The following MLLT10 variants were observed in gnomAD, a reference collection of about 807,000 sequenced individuals.
MLLT10 encodes MLLT10 histone lysine methyltransferase DOT1L cofactor.
A neutral mutation model predicts 129.1 loss-of-function variants in MLLT10; 30 were observed. That is an observed-to-expected ratio of 0.23 (90% CI 0.17 to 0.32). The LOEUF is 0.32. Among genes scored for constraint, MLLT10 ranks in the 10% least tolerant of loss-of-function variants. The probability of loss-of-function intolerance (pLI) is 1.00; values close to 1 mark genes in which losing one functional copy is unlikely to be tolerated. For missense variants in MLLT10, 1,119 were observed against 1,268.3 expected, an observed-to-expected ratio of 0.88 and a Z score of 1.79; for synonymous variants, 490 against 446.4, an observed-to-expected ratio of 1.10 and a Z score of -1.23.
At chr10:21,681,508 C>A in intron 12 of MLLT10, 132 bp downstream of exon 12, 1 of 614,612 alleles carries the variant, frequency 1.6e-6, no homozygotes, top group Non-Finnish European at 2.8e-6. Context: ...TGAACAGATA[C>A]TTTTCTCCTG....
intron 13 of MLLT10, chr10:21,708,550 GCT>G (rs1206161873): frequency 2.0e-6 from 2 of 982,730 alleles, no homozygotes; most frequent in African/African-American, 1.8e-5. Context: ...GGAACATTTT[GCT>G]CTGTTTTTTT....
intron 3 of MLLT10, among the ~76,000 whole-genome samples, chr10:21,544,927 C>T (rs1334751777): frequency 6.6e-6 from 1 of 152,196 alleles, no homozygotes; most frequent in Non-Finnish European, 1.5e-5. Flanking sequence ...GGGCGGATCA[C>T]CTGAGATCGG....
chr10:21,714,914 TC>T (rs1188445403), intron 14 of MLLT10, among the ~76,000 whole-genome samples: 1 of 152,046 alleles, frequency 6.6e-6, no homozygotes, highest in Non-Finnish European at 1.5e-5. Context: ...CTGTACCCAA[TC>T]CCCCTGTATT....
At chr10:21,688,484 T>A in intron 13 of MLLT10, 1 of 1,610,238 alleles carries the variant, frequency 6.2e-7, no homozygotes, top group Non-Finnish European at 8.5e-7. Context: ...GTGTGTCTTT[T>A]CTTTAGACAG....
intron 3 of MLLT10, among the ~76,000 whole-genome samples, chr10:21,558,231 G>A (rs952322194): frequency 2.6e-5 from 4 of 151,666 alleles, no homozygotes; most frequent in South Asian, 2.1e-4. Flanking sequence ...GACTACAGGC[G>A]TGAGCCACTG....
At chr10:21,708,559 T>C in intron 13 of MLLT10, 1 of 984,380 alleles carries the variant, frequency 1.0e-6, no homozygotes, top group African/African-American at 1.8e-5. Context: ...TGCTCTGTTT[T>C]TTTTGTGTGT....
chr10:21,697,732 C>T (rs1049010600), intron 13 of MLLT10, among the ~76,000 whole-genome samples: 9 of 152,030 alleles, frequency 5.9e-5, no homozygotes, highest in Non-Finnish European at 2.9e-5. Context: ...TGTATTTTAC[C>T]ATTTCTGAGT....
chr10:21,681,994 A>G (rs1364570123), intron 12 of MLLT10, among the ~76,000 whole-genome samples: 1 of 152,222 alleles, frequency 6.6e-6, no homozygotes, highest in African/African-American at 2.4e-5. Context: ...TTATGACAAT[A>G]TACCTTAACA....
chr10:21,684,166 A>G (rs1370464808), intron 13 of MLLT10, among the ~76,000 whole-genome samples: 1 of 152,072 alleles, frequency 6.6e-6, no homozygotes, highest in Non-Finnish European at 1.5e-5. Flanking sequence ...GTGCGCCACC[A>G]TGCCTGGCTA....
chr10:21,641,452 G>A (rs2047993903), intron 8 of MLLT10, among the ~76,000 whole-genome samples: 1 of 152,136 alleles, frequency 6.6e-6, no homozygotes, highest in African/African-American at 2.4e-5. Context: ...TTATTTGGCT[G>A]TATAGATGGA....
chr10:21,592,685 T>C (rs1288617996), intron 4 of MLLT10, among the ~76,000 whole-genome samples: 1 of 152,144 alleles, frequency 6.6e-6, no homozygotes, highest in Admixed American at 6.5e-5. Context: ...CTTGATCTCC[T>C]GACCGCCTGA....
Position 21,742,007 on chromosome 10 carries a change from G to A in MLLT10, c.*24G>A, listed in dbSNP as rs1564766218. On this transcript the variant is annotated 3_prime_UTR_variant, in exon 23 of 23. Coordinates refer to ENST00000307729, the MANE Select transcript of MLLT10 (RefSeq NM_001195626.3). ...GACACCTGAGAAACATCTAGAAATT[G>A]CCTATCCTGCTGTTCTAGCACTTCA... 1.2e-6 allele frequency: 2 copies of A among 1,610,610 alleles called. No individual in the cohort carries two copies. The highest frequency in any genetic ancestry group is 2.2e-5 in the South Asian group (2 of 90,726).
chr10:21,546,628 C>T (rs1453635832), intron 3 of MLLT10, among the ~76,000 whole-genome samples: 1 of 146,438 alleles, frequency 6.8e-6, no homozygotes, highest in Admixed American at 6.9e-5. Flanking sequence ...AGTGCAGTGG[C>T]GCAGTCTCAG....
intron 13 of MLLT10, among the ~76,000 whole-genome samples, chr10:21,686,936 T>C (rs1411926321): frequency 6.6e-6 from 1 of 152,104 alleles, no homozygotes; most frequent in Non-Finnish European, 1.5e-5. Context: ...TGAGGTGAGA[T>C]CGCGCCACTG....
chr10:21,626,256 T>C (rs2046424100), intron 8 of MLLT10: 1 of 1,548,154 alleles, frequency 6.5e-7, no homozygotes, highest in East Asian at 2.2e-5. Flanking sequence ...TCAATTGCTC[T>C]TTCATCAAGA....
intron 9 of MLLT10, chr10:21,669,101 G>T: frequency 2.3e-6 from 3 of 1,285,184 alleles, no homozygotes; most frequent in Non-Finnish European, 3.0e-6. Flanking sequence ...TTGTAAAATG[G>T]GATTTTTTTT....
chr10:21,613,928 A>C (rs2044946236), intron 6 of MLLT10, among the ~76,000 whole-genome samples: 1 of 151,952 alleles, frequency 6.6e-6, no homozygotes, highest in African/African-American at 2.4e-5. Flanking sequence ...AAAAACAAAC[A>C]AAACGAATAT....
Position 21,673,378 on chromosome 10 carries a change from A to G in MLLT10, c.1080A>G (p.Val360=). Residue 360 remains valine, a synonymous_variant, in exon 11 of 23, where the codon GTA becomes GTG. Coordinates refer to ENST00000307729, the MANE Select transcript of MLLT10 (RefSeq NM_001195626.3). ...GTTTTTCAGGAACTCCAGGCAGTGT[A>G]AAGTCATCTTCTGGAAGTTCAGTGC... is the stretch of plus-strand genomic sequence containing the variant. ...QGSFSGTPGS[V]KSSSGSSVQS... is the part of the protein sequence containing the mutation. The G allele has an allele frequency of 6.6e-7, 1 of 1,508,892 alleles. No homozygotes were observed. The highest frequency in any genetic ancestry group is 8.8e-7 in the Non-Finnish European group (1 of 1,132,650). The allele number at this position is 1,508,892 out of a possible 1,614,324, so 93.5% of individuals were successfully genotyped here. A position where few individuals can be genotyped will look rare whatever the true frequency, so the allele number is the denominator to read the frequency against.
chr10:21,584,552 G>A (rs2041809497), intron 3 of MLLT10, among the ~76,000 whole-genome samples: 1 of 151,992 alleles, frequency 6.6e-6, no homozygotes, highest in Admixed American at 6.6e-5. Flanking sequence ...GACCTCAAGT[G>A]GTCCTTCTGT....
Sources: gnomAD v4.1 joint callset for allele counts (sites outside exome capture counted in the v4.1 genomes callset) on GRCh38, gnomAD v4.1.1 for gene constraint, MANE v1.5 for transcripts, NCBI Gene and HGNC (gene_info 2026-07-23, HGNC 2026-07-21) for gene names.